ZNF782: variants seen among roughly 807,000 people sequenced by gnomAD.
The protein encoded by ZNF782 is zinc finger protein 782.
Under a neutral mutation model 13.0 loss-of-function variants are expected in ZNF782, and 12 were observed. The observed-to-expected ratio is 0.92, with a 90% CI of 0.59 to 1.50. The LOEUF is 1.50. Among genes scored for constraint, ZNF782 ranks in the 40% most tolerant of loss-of-function variants. The pLI is 0.00. For synonymous variants in ZNF782, 284 were observed against 283.0 expected (o/e 1.00, Z -0.04); for missense variants, 770 against 822.9 (o/e 0.94, Z 0.79).
the ZNF782 span, among the ~76,000 whole-genome samples, chr9:96,922,770 T>C: frequency 1.2e-3 from 183 of 150,778 alleles, no homozygotes; most frequent in African/African-American, 4.3e-3. Context: ...CGAGACTCCG[T>C]CTCAAAAAAA....
the ZNF782 span, among the ~76,000 whole-genome samples, chr9:96,899,233 A>G: frequency 6.6e-6 from 1 of 151,636 alleles, no homozygotes; most frequent in Admixed American, 6.5e-5. Context: ...CCTAGGTGAC[A>G]GAGTGAGACT....
chr9:96,923,186 C>CA, the ZNF782 span, among the ~76,000 whole-genome samples: 1 of 149,756 alleles, frequency 6.7e-6, no homozygotes, highest in South Asian at 2.2e-4. Context: ...CACACACACA[C>CA]ACTCAATACT....
chr9:96,882,239 T>C, the ZNF782 span, among the ~76,000 whole-genome samples: 1 of 152,226 alleles, frequency 6.6e-6, no homozygotes, highest in African/African-American at 2.4e-5. Flanking sequence ...GATCTGCATT[T>C]TTAAAATAAA....
the ZNF782 span, chr9:96,892,474 C>G: frequency 6.6e-6 from 1 of 152,194 alleles, no homozygotes; most frequent in Admixed American, 6.5e-5. Context: ...CGTGGACCAC[C>G]CTGGAGTCCA....
chr9:96,880,857 T>A, the ZNF782 span, among the ~76,000 whole-genome samples: 2 of 152,210 alleles, frequency 1.3e-5, no homozygotes, highest in African/African-American at 4.8e-5. Flanking sequence ...GTAAAACTGA[T>A]GTCATTTCAT....
At chr9:96,853,206 A>C (rs1326739572) in intron 1 of ZNF782, 137 bp from the exon 2 acceptor site, 7 of 152,502 alleles carry the variant, frequency 4.6e-5, no homozygotes, top group South Asian at 2.1e-4. Context: ...CACCTAGCCC[A>C]TTTTGCTCTT....
chr9:96,816,220 G>A (rs568791580), downstream of ZNF782, among the ~76,000 whole-genome samples: 1 of 152,276 alleles, frequency 6.6e-6, no homozygotes, highest in South Asian at 2.1e-4. Context: ...GCCTTTACTA[G>A]ACAGACATGT....
chr9:96,884,376 T>TG, the ZNF782 span, among the ~76,000 whole-genome samples: 1 of 152,218 alleles, frequency 6.6e-6, no homozygotes, highest in Non-Finnish European at 1.5e-5. Context: ...CATTGGGTGC[T>TG]GACCCTTCAC....
At chr9:96,903,186 C>A in the ZNF782 span, 2 of 151,948 alleles carry the variant, frequency 1.3e-5, 1 homozygote, top group African/African-American at 4.9e-5. Flanking sequence ...CCCTAAGAAA[C>A]TCCCTCATGC....
At chr9:96,883,589 C>T in the ZNF782 span, among the ~76,000 whole-genome samples, 2 of 152,104 alleles carry the variant, frequency 1.3e-5, no homozygotes, top group African/African-American at 4.8e-5. Flanking sequence ...TTTTTGAGCC[C>T]TAGACACAAC....
chr9:96,826,073 C>T, intron 5 of ZNF782, among the ~76,000 whole-genome samples: 1 of 152,210 alleles, frequency 6.6e-6, no homozygotes, highest in Non-Finnish European at 1.5e-5. Context: ...GACTATAAAT[C>T]ATGCTGTTAT....
chr9:96,886,346 G>T, the ZNF782 span, among the ~76,000 whole-genome samples: 35,065 of 152,036 alleles, frequency 0.23, 5,322 homozygotes, highest in Non-Finnish European at 0.34. Context: ...AAAAATAAGG[G>T]CAAATATGAC....
upstream of ZNF782, among the ~76,000 whole-genome samples, chr9:96,879,139 C>T (rs1851931381): frequency 6.6e-6 from 1 of 151,510 alleles, no homozygotes; most frequent in African/African-American, 2.4e-5. Flanking sequence ...GGCATAATAA[C>T]AAGGAATAAA....
chr9:96,852,099 G>T, intron 2 of ZNF782, 94 bp from the exon 3 acceptor site: 1 of 778,406 alleles, frequency 1.3e-6, no homozygotes, highest in Non-Finnish European at 2.1e-6. Context: ...TTGGAGAGCA[G>T]CCTTCCTAAG....
upstream of ZNF782, among the ~76,000 whole-genome samples, chr9:96,859,093 G>A (rs1851676072): frequency 6.6e-6 from 1 of 151,912 alleles, no homozygotes; most frequent in African/African-American, 2.4e-5. Context: ...ACTAGTGCTA[G>A]CCAGAAGGGA....
chr9:96,882,981 A>G, the ZNF782 span, among the ~76,000 whole-genome samples: 1 of 151,830 alleles, frequency 6.6e-6, no homozygotes, highest in African/African-American at 2.4e-5. Flanking sequence ...GGAACAATGC[A>G]GAGAAGACAC....
the ZNF782 span, among the ~76,000 whole-genome samples, chr9:96,900,737 G>A: frequency 6.6e-6 from 1 of 152,292 alleles, no homozygotes; most frequent in Non-Finnish European, 1.5e-5. Flanking sequence ...GCAAAACTCT[G>A]TCTCAAACAA....
At chr9:96,890,482 G>C in the ZNF782 span, 2 of 152,422 alleles carry the variant, frequency 1.3e-5, no homozygotes. Context: ...GTGTGTTTGG[G>C]CGGCTTAGTG....
At chr9:96,920,321 C>G in the ZNF782 span, among the ~76,000 whole-genome samples, 1 of 147,182 alleles carries the variant, frequency 6.8e-6, no homozygotes, top group Non-Finnish European at 1.5e-5. Flanking sequence ...GGCTGGAGTG[C>G]AGGGGCACGA....
Sources: allele counts gnomAD v4.1 joint callset (sites outside exome capture counted in the v4.1 genomes callset), GRCh38; gene constraint gnomAD v4.1.1; transcripts MANE v1.5; gene names NCBI Gene and HGNC (gene_info 2026-07-23, HGNC 2026-07-21).